CFAP46: variants seen among roughly 807,000 people sequenced by gnomAD.
The protein encoded by CFAP46 is cilia- and flagella-associated protein 46.
In CFAP46, 245 loss-of-function variants were observed where a neutral mutation model predicts 325.7. That is an observed-to-expected ratio of 0.75 (90% CI 0.68 to 0.84). The LOEUF (loss-of-function observed/expected upper bound fraction) is 0.84, where lower values mean the gene tolerates loss of function less well. Among genes scored for constraint, CFAP46 ranks in the 40% least tolerant of loss-of-function variants. The pLI is 0.00. For missense variants in CFAP46, 3,346 were observed against 3,543.0 expected, an observed-to-expected ratio of 0.94 and a Z score of 1.41; for synonymous variants, 1,523 against 1,495.9, an observed-to-expected ratio of 1.02 and a Z score of -0.42.
At chr10:132,892,773 C>T (rs904864461) in intron 24 of CFAP46, among the ~76,000 whole-genome samples, 1 of 152,202 alleles carries the variant, frequency 6.6e-6, no homozygotes. Context: ...TCAAACTTGG[C>T]CCAGGTAAAC....
intron 10 of CFAP46, among the ~76,000 whole-genome samples, chr10:132,925,619 A>G (rs573075768): frequency 2.0e-5 from 3 of 152,360 alleles, no homozygotes; most frequent in Admixed American, 2.0e-4. Context: ...CCTTAAACGA[A>G]CACTCATTAA....
intron 17 of CFAP46, among the ~76,000 whole-genome samples, chr10:132,915,927 AAAT>A (rs1849631238): frequency 6.6e-6 from 1 of 152,272 alleles, no homozygotes; most frequent in South Asian, 2.1e-4. Context: ...TCAATTAAAA[AAAT>A]AAGTTAAAAA....
chr10:132,926,858 T>G (rs1180836251), intron 9 of CFAP46, among the ~76,000 whole-genome samples, 192 bp from the exon 10 acceptor site: 1 of 152,198 alleles, frequency 6.6e-6, no homozygotes, highest in Non-Finnish European at 1.5e-5. Flanking sequence ...CACCAACTCC[T>G]TGTCTGCCTG....
chr10:132,875,254 A>C (rs1848943170), intron 31 of CFAP46, among the ~76,000 whole-genome samples: 1 of 152,224 alleles, frequency 6.6e-6, no homozygotes, highest in South Asian at 2.1e-4. Context: ...ACCTACGTCA[A>C]TGGAGAGACA....
rs535829368 is a variant in CFAP46 at position 132,826,731 on chromosome 10, G to A, written c.7117+6627C>T. On this transcript the variant is annotated intron_variant, in intron 50 of 57. Coordinates refer to ENST00000368586, the MANE Select transcript of CFAP46 (RefSeq NM_001200049.3). ...AGCCGGAGCCACAGAGACCAGCCAC[G>A]GAGCCAGGCAGAAGCTGGAGCCACA... 4.7e-5 allele frequency among the ~76,000 whole-genome samples: 7 copies of A among 149,122 alleles called. No homozygotes were observed. The East Asian group carries it at 6.1e-4, about 13-fold the overall frequency.
At chr10:132,839,903 G>A (rs1848322485) in intron 44 of CFAP46, among the ~76,000 whole-genome samples, 1 of 152,154 alleles carries the variant, frequency 6.6e-6, no homozygotes. Flanking sequence ...TATTTTGTTA[G>A]GATTTTTGTG....
chr10:132,904,422 G>T (rs58434233), intron 22 of CFAP46, among the ~76,000 whole-genome samples: 14,461 of 152,282 alleles, frequency 0.095, 1,792 homozygotes, highest in African/African-American at 0.29. Context: ...TGACACCAAG[G>T]GCCACTAGAG....
chr10:132,845,505 C>T (rs1379780080), intron 44 of CFAP46, among the ~76,000 whole-genome samples: 2 of 152,196 alleles, frequency 1.3e-5, no homozygotes, highest in African/African-American at 2.4e-5. Context: ...GAGGCAGCCA[C>T]GCAGCCGAAG....
chr10:132,941,872 G>A (rs1372027011), intron 2 of CFAP46, 108 bp downstream of exon 2: 23 of 1,508,696 alleles, frequency 1.5e-5, no homozygotes, highest in Non-Finnish European at 2.0e-5. Flanking sequence ...TTGACTGCCC[G>A]GCCAGGAGCT....
intron 32 of CFAP46, 78 bp downstream of exon 32, chr10:132,872,598 A>G: frequency 6.7e-7 from 1 of 1,485,378 alleles, no homozygotes. Flanking sequence ...AGTCAACTAC[A>G]GAATTAATAC....
Position 132,846,950 on chromosome 10 carries a change from C to G in CFAP46, c.6249G>C (p.Gln2083His). Reference sequence around the variant, plus strand: ...GACACACCTGAGACAGAGCCAGGAACTGGCAGGTAGTTGCAGGGTCCAGGG... The same window carrying G: ...GACACACCTGAGACAGAGCCAGGAAGTGGCAGGTAGTTGCAGGGTCCAGGG... ...VGTLDPATTCQFLALSQSCSA... is the reference protein window; with the variant it reads ...VGTLDPATTCHFLALSQSCSA... The change falls in exon 43 of 58, where the codon CAG (glutamine) becomes CAC (histidine). Residue 2083 changes from glutamine to histidine, a missense_variant. Transcript: ENST00000368586. 1 of 1,610,590 alleles carries G rather than the reference C, an allele frequency of 6.2e-7. No homozygotes were observed. Among genetic ancestry groups the G allele is most frequent in the Non-Finnish European group, 8.5e-7 (1 of 1,179,494 alleles).
intron 56 of CFAP46, 74 bp from the exon 57 acceptor site, chr10:132,810,563 G>A (rs759182003): frequency 2.9e-5 from 38 of 1,301,072 alleles, no homozygotes; most frequent in African/African-American, 5.9e-5. Flanking sequence ...GGACAGGCCC[G>A]GGATGCCAGG....
rs150402402 is a variant in CFAP46, at chr10:132,929,587, C to T, written c.966+118G>A. On this transcript the variant is annotated intron_variant, in intron 9 of 57. Coordinates refer to ENST00000368586, the MANE Select transcript of CFAP46 (RefSeq NM_001200049.3). ...AGGAAAGACGGCAATGTGCCAACCA[C>T]GGACCGAAGCCCTGGGGGCCGTGGC... The T allele has an allele frequency of 5.3e-4, 504 of 959,066 alleles. 2 individuals are homozygous for T. The highest frequency in any genetic ancestry group is 7.3e-4 in the Non-Finnish European group (424 of 581,238). 59.4% of individuals were successfully genotyped at this position (959,066 alleles called of 1,614,324 possible).
At chr10:132,930,566 T>G (rs1849880759) in intron 8 of CFAP46, among the ~76,000 whole-genome samples, 1 of 121,314 alleles carries the variant, frequency 8.2e-6, no homozygotes, top group East Asian at 2.6e-4. Flanking sequence ...AGCCTGGGCC[T>G]TCCTCCTCCA....
intron 44 of CFAP46, among the ~76,000 whole-genome samples, chr10:132,838,701 T>C (rs1848305496): frequency 6.6e-6 from 1 of 152,248 alleles, no homozygotes; most frequent in Non-Finnish European, 1.5e-5. Flanking sequence ...GCGATGCTGC[T>C]CTCTGGGGAC....
chr10:132,846,391 G>A (rs116292538), intron 43 of CFAP46, among the ~76,000 whole-genome samples, 164 bp from the exon 44 acceptor site: 1,558 of 152,300 alleles, frequency 0.01, 18 homozygotes, highest in African/African-American at 0.034. Flanking sequence ...CTGCAGAGTC[G>A]CGTGGGGCCA....
At position 132,814,830 on chromosome 10, in the gene CFAP46, A is replaced by G; in HGVS notation, c.7188+14T>C. The G allele has an allele frequency of 6.2e-7, 1 of 1,614,010 alleles. No homozygotes were observed. The highest frequency in any genetic ancestry group is 8.5e-7 in the Non-Finnish European group (1 of 1,179,944). ...GCCCACCAGCCCGATCCCCTATCAC[A>G]GGCCCCCACCCACCTTCCTGCCCTT... On this transcript the variant is annotated intron_variant, in intron 51 of 57. Coordinates refer to ENST00000368586, the MANE Select transcript of CFAP46 (RefSeq NM_001200049.3).
Position 132,850,070 on chromosome 10 carries a change from G to A in CFAP46, c.5952+174C>T, listed in dbSNP as rs147684638. ...TGTGTTTCCCTCCCAGGTCTGTTCC[G>A]GAAGGCCTGAGTTTTGCCAGCCCCA... On this transcript the variant is annotated intron_variant, in intron 41 of 57. Transcript: ENST00000368586. Among the ~76,000 whole-genome samples, 1,413 of 152,300 alleles carry A rather than the reference G, an allele frequency of 9.3e-3. 12 individuals are homozygous for A. The highest frequency in any genetic ancestry group is 0.043 in the South Asian group (208 of 4,826).
intron 32 of CFAP46, among the ~76,000 whole-genome samples, chr10:132,870,170 G>A (rs984528739): frequency 2.6e-5 from 4 of 152,084 alleles, no homozygotes; most frequent in South Asian, 2.1e-4. Flanking sequence ...CATCAGCCAC[G>A]CCCATATGAG....
Sources: allele counts gnomAD v4.1 joint callset (sites outside exome capture counted in the v4.1 genomes callset), GRCh38; gene constraint gnomAD v4.1.1; transcripts MANE v1.5; gene names NCBI Gene and HGNC (gene_info 2026-07-23, HGNC 2026-07-21).